CPEB1: variants seen among roughly 807,000 people sequenced by gnomAD.
The protein encoded by CPEB1 is cytoplasmic polyadenylation element binding protein 1.
CPEB1 carries 7 observed loss-of-function variants against 65.8 expected under a neutral mutation model. The observed-to-expected ratio is 0.11, with a 90% CI of 0.06 to 0.20. The LOEUF (loss-of-function observed/expected upper bound fraction) is 0.20, where lower values mean the gene tolerates loss of function less well. Ranked by LOEUF, CPEB1 falls within the 10% of genes least tolerant of loss-of-function variation. The probability of loss-of-function intolerance (pLI) is 1.00; values close to 1 mark genes in which losing one functional copy is unlikely to be tolerated. For missense variants in CPEB1, 551 were observed against 712.2 expected (o/e 0.77, Z 2.58); for synonymous variants, 262 against 260.0 (o/e 1.01, Z -0.08).
chr15:82,611,038 C>G (rs1049831682), intron 3 of CPEB1, among the ~76,000 whole-genome samples: 1 of 105,930 alleles, frequency 9.4e-6, no homozygotes, highest in African/African-American at 3.5e-5. Flanking sequence ...CCTACAAAAA[C>G]ACCCACATCT....
At chr15:82,625,817 C>A (rs774564500) in intron 3 of CPEB1, among the ~76,000 whole-genome samples, 1 of 152,034 alleles carries the variant, frequency 6.6e-6, no homozygotes, top group Non-Finnish European at 1.5e-5. Context: ...TATATTCTTT[C>A]ATCTAAAACA....
At chr15:82,555,764 C>A in intron 6 of CPEB1, 106 bp downstream of exon 6, 2 of 1,226,552 alleles carry the variant, frequency 1.6e-6, no homozygotes, top group Non-Finnish European at 1.1e-6. Context: ...CTTCACCATG[C>A]AACCAAGCCT....
At position 82,564,555 on chromosome 15, in the gene CPEB1, A is replaced by T. The variant is rs78349359; in HGVS notation, c.461-6569T>A. Among the ~76,000 whole-genome samples the T allele has an allele frequency of 3.8e-4, 58 of 152,248 alleles. No homozygotes were observed. In the East Asian group the frequency reaches 0.011, roughly 29 times the overall value. Reference sequence around the variant, plus strand: ...TGATCCACCCGCCTCAGCCTCCCAAAGGGCTGGAATTACAGGCGTGAGCCA... The same window carrying T: ...TGATCCACCCGCCTCAGCCTCCCAATGGGCTGGAATTACAGGCGTGAGCCA... On this transcript the variant is annotated intron_variant, in intron 4 of 12. Transcript: ENST00000684509.
In CPEB1 at chr15:82,544,606, G is replaced by A. The variant is rs2034835573; in HGVS notation, c.1753C>T (p.Arg585Ter). 1.9e-5 allele frequency: 30 copies of A among 1,612,626 alleles called. No individual in the cohort carries two copies. Among genetic ancestry groups the A allele is most frequent in the East Asian group, 4.5e-5 (2 of 44,888 alleles). ...GGCCAGCTCCTCTAGCTGGAATCTCGGTTCTTCTGGTTCCGCATCAGGGGG... is the reference window on the plus strand; with the variant it reads ...GGCCAGCTCCTCTAGCTGGAATCTCAGTTCTTCTGGTTCCGCATCAGGGGG... ...HSPLMRNQKN[R>*]DSS The change falls in exon 13 of 13, where the codon CGA (arginine) becomes TGA (stop). Residue 585 changes from arginine (R) to a stop codon, truncating the protein, a stop_gained. Coordinates refer to ENST00000684509, the MANE Select transcript of CPEB1 (RefSeq NM_001365242.1). LOFTEE classifies it high-confidence loss of function.
chr15:82,629,344 A>G, intron 1 of CPEB1: 1 of 985,092 alleles, frequency 1.0e-6, no homozygotes, highest in Non-Finnish European at 1.2e-6. Flanking sequence ...AAACCACCCA[A>G]ACTGATTAAG....
intron 10 of CPEB1, among the ~76,000 whole-genome samples, chr15:82,547,901 G>A (rs2035545530): frequency 1.3e-5 from 2 of 151,884 alleles, no homozygotes; most frequent in Admixed American, 1.3e-4. Flanking sequence ...TTGAACTCCT[G>A]GACTCAAACG....
At chr15:82,631,932 T>C (rs1026973037) in intron 1 of CPEB1, among the ~76,000 whole-genome samples, 1 of 151,802 alleles carries the variant, frequency 6.6e-6, no homozygotes, top group African/African-American at 2.4e-5. Context: ...TAATGACCTA[T>C]CTTAGGGATA....
At chr15:82,626,199 G>A (rs1308226862) in intron 3 of CPEB1, among the ~76,000 whole-genome samples, 2 of 151,750 alleles carry the variant, frequency 1.3e-5, no homozygotes, top group South Asian at 2.1e-4. Context: ...ACTTTGGGAG[G>A]CCAAGGCACG....
rs1018862560 is a variant in CPEB1 at position 82,581,960 on chromosome 15, T to C, written c.272-10428A>G. On this transcript the variant is annotated intron_variant, in intron 3 of 12. Transcript: ENST00000684509. Reference sequence around the variant, plus strand: ...TGGGTATGACTTAAGCCAAGCTAGCTGGGTATCTTTCCTTGAGATTTTTCT... The same window carrying C: ...TGGGTATGACTTAAGCCAAGCTAGCCGGGTATCTTTCCTTGAGATTTTTCT... Among the ~76,000 whole-genome samples the C allele has an allele frequency of 2.6e-5, 4 of 152,206 alleles. No individual in the cohort carries two copies. The South Asian group carries it at 8.3e-4, about 32-fold the overall frequency.
chr15:82,572,942 G>C, intron 3 of CPEB1: 2 of 1,224,744 alleles, frequency 1.6e-6, no homozygotes, highest in Non-Finnish European at 1.1e-6. Flanking sequence ...ATGAGCCCAG[G>C]GTCACTGGGC....
At chr15:82,622,528 A>G (rs974042018) in intron 3 of CPEB1, among the ~76,000 whole-genome samples, 1 of 152,000 alleles carries the variant, frequency 6.6e-6, no homozygotes, top group Non-Finnish European at 1.5e-5. Context: ...AGCCTCCCGG[A>G]CTACAGGCAC....
Position 82,556,044 on chromosome 15 carries a change from C to A in CPEB1, c.766G>T (p.Val256Leu). Residue 256 changes from valine to leucine, a missense_variant, in exon 6 of 13, where the codon GTA becomes TTA. Physicochemically the swap from Val to Leu is conservative, Grantham distance 32. This residue lies in a region of CPEB1 where 128 missense variants were observed against 129.1 expected (regional missense o/e 0.99). Coordinates refer to ENST00000684509, the MANE Select transcript of CPEB1 (RefSeq NM_001365242.1). ...TGCTCTTGGTCCATCCGAGACCCTACCCCCATCTTTAAAGGGTCTCTGGGA... is the reference window on the plus strand; with the variant it reads ...TGCTCTTGGTCCATCCGAGACCCTAACCCCATCTTTAAAGGGTCTCTGGGA... Reference protein sequence around the residue: ...GGPRDPLKMGVGSRMDQEQAA... With the variant: ...GGPRDPLKMGLGSRMDQEQAA... 3 of 1,612,964 alleles carry A rather than the reference C, an allele frequency of 1.9e-6. No individual in the cohort carries two copies. Among genetic ancestry groups the A allele is most frequent in the Non-Finnish European group, 2.5e-6 (3 of 1,179,520 alleles).
chr15:82,544,992 C>T (rs1156652488), intron 12 of CPEB1, among the ~76,000 whole-genome samples: 5 of 152,176 alleles, frequency 3.3e-5, no homozygotes, highest in Non-Finnish European at 7.3e-5. Flanking sequence ...GACAGCTGCT[C>T]TCCTATTCCC....
chr15:82,645,487 G>C (rs77422019), intron 1 of CPEB1, among the ~76,000 whole-genome samples: 2,836 of 152,226 alleles, frequency 0.019, 42 homozygotes, highest in Non-Finnish European at 0.029. Flanking sequence ...CTTACACACA[G>C]AGTAGTCAAC....
At chr15:82,554,566 C>T (rs966521131) in intron 6 of CPEB1, among the ~76,000 whole-genome samples, 1 of 152,098 alleles carries the variant, frequency 6.6e-6, no homozygotes, top group African/African-American at 2.4e-5. Context: ...TTTATAGCAC[C>T]CAAATAGACA....
chr15:82,568,341 G>C (rs1210579924), intron 4 of CPEB1, among the ~76,000 whole-genome samples: 2 of 152,116 alleles, frequency 1.3e-5, no homozygotes, highest in African/African-American at 2.4e-5. Context: ...CAGATCTTAA[G>C]ACATTGCAAG....
upstream of CPEB1, chr15:82,648,044 C>T (rs1028038872): frequency 4.6e-6 from 2 of 439,002 alleles, no homozygotes; most frequent in Non-Finnish European, 7.4e-6. Flanking sequence ...GGATGCGGAG[C>T]ACCTGTGTCG....
In CPEB1 at chr15:82,556,066, G is replaced by A; in HGVS notation, c.744C>T (p.Pro248=). The part of the protein sequence containing the change: ...LPFLSLSGGG[P]RDPLKMGVGS... ...CTACCCCCATCTTTAAAGGGTCTCT[G>A]GGACCACCCCCTGACAGAGACAGGA... Residue 248 remains proline (P), a synonymous_variant, in exon 6 of 13, where the codon CCC becomes CCT. Transcript: ENST00000684509. 6.2e-7 allele frequency: 1 copy of A among 1,611,550 alleles called. No homozygotes were observed. The highest frequency in any genetic ancestry group is 8.5e-7 in the Non-Finnish European group (1 of 1,178,906).
rs191093056 is a variant in CPEB1 at position 82,552,693 on chromosome 15, G to A, written c.1145-77C>T. On this transcript the variant is annotated intron_variant, in intron 8 of 12. Coordinates refer to ENST00000684509, the MANE Select transcript of CPEB1 (RefSeq NM_001365242.1). The stretch of plus-strand genomic sequence containing the variant: ...CTCAGCCTTGGCTTTGCAGCAGGGC[G>A]TTTCTTCCAAGAAAGAAGGTCTTGT... 9,731 of 1,492,416 alleles carry A rather than the reference G, an allele frequency of 6.5e-3. 47 individuals are homozygous for A. The highest frequency in any genetic ancestry group is 7.7e-3 in the Non-Finnish European group (8,346 of 1,081,936). The allele number at this position is 1,492,416 out of a possible 1,614,324, so 92.4% of individuals were successfully genotyped here. A position where few individuals can be genotyped will look rare whatever the true frequency, so the allele number is the denominator to read the frequency against.
Sources: allele counts gnomAD v4.1 joint callset (sites outside exome capture counted in the v4.1 genomes callset), GRCh38; gene constraint gnomAD v4.1.1; regional missense constraint gnomAD v4.1.1; transcripts MANE v1.5; gene names NCBI Gene and HGNC (gene_info 2026-07-23, HGNC 2026-07-21).